The following ZMYND8 variants were observed in gnomAD, a reference collection of about 807,000 sequenced individuals.
The protein encoded by ZMYND8 is MYND-type zinc finger-containing chromatin reader ZMYND8.
Under a neutral mutation model 140.8 loss-of-function variants are expected in ZMYND8, and 37 were observed. That is an observed-to-expected ratio of 0.26 (90% CI 0.20 to 0.35). The LOEUF (loss-of-function observed/expected upper bound fraction) is 0.35. Among genes scored for constraint, ZMYND8 ranks in the 10% least tolerant of loss-of-function variants. ZMYND8 has a pLI of 1.00. For synonymous variants in ZMYND8, 592 were observed against 597.1 expected (o/e 0.99, Z 0.12); for missense variants, 1,068 against 1,570.0 (o/e 0.68, Z 5.40).
At chr20:47,352,566 G>C (rs1460337861) in intron 1 of ZMYND8, 2 of 983,574 alleles carry the variant, frequency 2.0e-6, no homozygotes, top group Non-Finnish European at 2.4e-6. Flanking sequence ...CGAACTAACA[G>C]CCTGAGTGGA....
At chr20:47,308,787 A>C (rs2078695062) in intron 3 of ZMYND8, among the ~76,000 whole-genome samples, 2 of 152,146 alleles carry the variant, frequency 1.3e-5, no homozygotes, top group South Asian at 4.1e-4. Context: ...GAGAGTGAAA[A>C]TAGATTCATG....
At chr20:47,335,959 A>G (rs957322122) in intron 2 of ZMYND8, among the ~76,000 whole-genome samples, 1 of 152,240 alleles carries the variant, frequency 6.6e-6, no homozygotes, top group African/African-American at 2.4e-5. Flanking sequence ...CAGTACACGG[A>G]TGGCACTTCT....
intron 1 of ZMYND8, chr20:47,355,413 A>C (rs2083140753): frequency 1.0e-6 from 1 of 983,840 alleles, no homozygotes; most frequent in African/African-American, 1.7e-5. Context: ...AAAACTCTTC[A>C]AACATGGTCA....
chr20:47,351,718 G>A, intron 1 of ZMYND8: 1 of 985,396 alleles, frequency 1.0e-6, no homozygotes, highest in Non-Finnish European at 1.2e-6. Context: ...ACCTAAAACA[G>A]GCAGAGTCAT....
intron 2 of ZMYND8, among the ~76,000 whole-genome samples, chr20:47,335,432 G>A (rs2081316850): frequency 6.6e-6 from 1 of 151,902 alleles, no homozygotes; most frequent in Non-Finnish European, 1.5e-5. Context: ...CCCCCCCACA[G>A]CCATGACACC....
intron 8 of ZMYND8, chr20:47,285,936 T>C: frequency 1.4e-6 from 1 of 713,284 alleles, no homozygotes; most frequent in Non-Finnish European, 1.7e-6. Flanking sequence ...GAGGCCTATA[T>C]TCCCAGCGTC....
intron 14 of ZMYND8, among the ~76,000 whole-genome samples, chr20:47,241,414 T>C (rs1291512164): frequency 6.6e-6 from 1 of 151,580 alleles, no homozygotes; most frequent in African/African-American, 2.4e-5. Context: ...CGCTGCCATA[T>C]GGAGTATGTC....
At chr20:47,350,409 TC>T (rs1321506772) in intron 1 of ZMYND8, among the ~76,000 whole-genome samples, 1 of 149,856 alleles carries the variant, frequency 6.7e-6, no homozygotes, top group Admixed American at 6.7e-5. Flanking sequence ...AATAGCCACA[TC>T]TAAAGGGACT....
At chr20:47,220,147 A>G in intron 21 of ZMYND8, 111 bp downstream of exon 21, 2 of 1,036,754 alleles carry the variant, frequency 1.9e-6, no homozygotes, top group South Asian at 1.5e-5. Context: ...AGGATCCATA[A>G]TCGTTTGGAA....
At chr20:47,316,947 C>G (rs1246237404) in intron 2 of ZMYND8, among the ~76,000 whole-genome samples, 3 of 152,138 alleles carry the variant, frequency 2.0e-5, no homozygotes, top group Non-Finnish European at 4.4e-5. Context: ...TGAACCCAGG[C>G]AGTGAGGCTC....
At chr20:47,214,671 T>G (rs1056238627) in intron 21 of ZMYND8, among the ~76,000 whole-genome samples, 11 of 152,152 alleles carry the variant, frequency 7.2e-5, no homozygotes, top group Admixed American at 6.6e-4. Flanking sequence ...TTTTTTGTAC[T>G]TTTAGTAGAG....
intron 2 of ZMYND8, among the ~76,000 whole-genome samples, chr20:47,311,785 G>C (rs1271783087): frequency 1.3e-5 from 2 of 152,090 alleles, no homozygotes; most frequent in African/African-American, 2.4e-5. Context: ...CAGGAGAATC[G>C]CTTGAACCCA....
intron 2 of ZMYND8, among the ~76,000 whole-genome samples, chr20:47,317,997 C>T (rs1317011543): frequency 6.6e-6 from 1 of 152,110 alleles, no homozygotes; most frequent in South Asian, 2.1e-4. Flanking sequence ...TAATGGGTAA[C>T]TGTATTTTTT....
At chr20:47,256,447 G>A (rs546406432) in intron 12 of ZMYND8, among the ~76,000 whole-genome samples, 1 of 151,910 alleles carries the variant, frequency 6.6e-6, no homozygotes, top group African/African-American at 2.4e-5. Context: ...GTGAAACCCT[G>A]TCTCTACTAA....
At chr20:47,215,211 A>G (rs6066242) in intron 21 of ZMYND8, among the ~76,000 whole-genome samples, 39,614 of 152,038 alleles carry the variant, frequency 0.26, 6,585 homozygotes, top group Non-Finnish European at 0.38. Flanking sequence ...CATCTCTAAT[A>G]AAATACAAAA....
chr20:47,307,784 G>A lies in ZMYND8; in HGVS notation c.234+2272C>T, dbSNP rs555424204. 3.9e-5 allele frequency among the ~76,000 whole-genome samples: 6 copies of A among 151,908 alleles called. No homozygotes were observed. In the South Asian group the frequency reaches 6.2e-4, roughly 16 times the overall value. ...AAAGGTTGCAGAGAGCCAAGATTGC[G>A]CCATTGCACTCCAACCTCAGCAACA... On this transcript the variant is annotated intron_variant, in intron 3 of 22. Transcript: ENST00000471951.
intron 3 of ZMYND8, among the ~76,000 whole-genome samples, chr20:47,307,271 C>A (rs1024691792): frequency 6.7e-6 from 1 of 149,650 alleles, no homozygotes. Context: ...GCCAACATGG[C>A]GAAACTCCGT....
At chr20:47,312,082 G>A (rs1601820910) in intron 2 of ZMYND8, among the ~76,000 whole-genome samples, 1 of 152,054 alleles carries the variant, frequency 6.6e-6, no homozygotes, top group African/African-American at 2.4e-5. Context: ...CCATAGGGGG[G>A]ATGGGGTGGG....
intron 5 of ZMYND8, among the ~76,000 whole-genome samples, chr20:47,292,180 G>A (rs1422030724): frequency 6.6e-6 from 1 of 152,152 alleles, no homozygotes; most frequent in African/African-American, 2.4e-5. Flanking sequence ...AATACGCACT[G>A]TAAGTTAAAA....
Sources: allele counts gnomAD v4.1 joint callset (sites outside exome capture counted in the v4.1 genomes callset), GRCh38; gene constraint gnomAD v4.1.1; transcripts MANE v1.5; gene names NCBI Gene and HGNC (gene_info 2026-07-23, HGNC 2026-07-21).